Variants in RAC1 observed in about 807,000 individuals in gnomAD.
The protein encoded by RAC1 is ras-related C3 botulinum toxin substrate 1.
A neutral mutation model predicts 25.2 loss-of-function variants in RAC1; 2 were observed. The ratio of observed to expected loss-of-function variants is 0.08; its 90% confidence interval spans 0.03 to 0.25. RAC1 has a LOEUF of 0.25. Ranked by LOEUF, RAC1 falls within the 10% of genes least tolerant of loss-of-function variation. RAC1 has a pLI of 1.00. For synonymous variants in RAC1, 88 were observed against 94.0 expected, an observed-to-expected ratio of 0.94 and a Z score of 0.37; for missense variants, 50 against 235.7, an observed-to-expected ratio of 0.21 and a Z score of 5.16.
At chr7:6,380,599 G>C (rs989567140) in intron 1 of RAC1, among the ~76,000 whole-genome samples, 1 of 152,144 alleles carries the variant, frequency 6.6e-6, no homozygotes, top group Non-Finnish European at 1.5e-5. Flanking sequence ...TCCTTGAAAG[G>C]AGATGTTTTT....
At chr7:6,380,612 C>G (rs1782736960) in intron 1 of RAC1, among the ~76,000 whole-genome samples, 1 of 152,158 alleles carries the variant, frequency 6.6e-6, no homozygotes, top group Non-Finnish European at 1.5e-5. Flanking sequence ...ATGTTTTTGT[C>G]AAGAGTCTTT....
chr7:6,378,494 T>C (rs2115182729), intron 1 of RAC1, among the ~76,000 whole-genome samples: 1 of 151,866 alleles, frequency 6.6e-6, no homozygotes, highest in East Asian at 1.9e-4. Context: ...TGCAGTGAGC[T>C]GAGATTGTGT....
At chr7:6,386,399 G>A (rs1782924299) in intron 1 of RAC1, among the ~76,000 whole-genome samples, 1 of 152,134 alleles carries the variant, frequency 6.6e-6, no homozygotes. Context: ...GAGGCTGTAG[G>A]GATGTGGTGG....
intron 1 of RAC1, among the ~76,000 whole-genome samples, chr7:6,386,456 A>G (rs1010383841): frequency 2.6e-5 from 4 of 152,110 alleles, no homozygotes; most frequent in African/African-American, 9.7e-5. Context: ...TTACTTAAAG[A>G]GGAAGGCTGT....
intron 1 of RAC1, among the ~76,000 whole-genome samples, chr7:6,376,779 GT>G (rs35795933): frequency 0.45 from 52,105 of 115,048 alleles, 11,768 homozygotes; most frequent in Middle Eastern, 0.62. Context: ...GCCTCGGCCT[GT>G]TTTTTTTTTT....
chr7:6,400,230 T>A, intron 4 of RAC1, 42 bp downstream of exon 4: 1 of 1,504,780 alleles, frequency 6.6e-7, no homozygotes, highest in Non-Finnish European at 9.2e-7. Flanking sequence ...TATAGAATGA[T>A]CCTCTCAGAA....
At position 6,402,161 on chromosome 7, in the gene RAC1, A is replaced by G; in HGVS notation, c.448+134A>G. The G allele has an allele frequency of 2.8e-6, 4 of 1,444,174 alleles. No homozygotes were observed. In the South Asian group the frequency reaches 5.4e-5, roughly 19 times the overall value. The allele number at this position is 1,444,174 out of a possible 1,614,324, so 89.5% of individuals were successfully genotyped here. ...TGTACTCTTGGGGAACCAGCTGGCA[A>G]GGCCCTGTGGGTCTTAACGTCAGCG... On this transcript the variant is annotated intron_variant, in intron 5 of 5. Transcript: ENST00000348035.
chr7:6,394,369 T>C (rs1783167435), intron 3 of RAC1, among the ~76,000 whole-genome samples: 1 of 152,250 alleles, frequency 6.6e-6, no homozygotes, highest in Non-Finnish European at 1.5e-5. Context: ...TGAAAATCTT[T>C]GCTAAGTTCT....
intron 1 of RAC1, among the ~76,000 whole-genome samples, chr7:6,383,845 C>G (rs950203213): frequency 8.8e-6 from 1 of 113,620 alleles, no homozygotes; most frequent in Non-Finnish European, 1.6e-5. Context: ...TCTTGTTGCC[C>G]AGGCTGGAGT....
intron 1 of RAC1, among the ~76,000 whole-genome samples, chr7:6,384,049 C>T (rs1034425224): frequency 1.3e-5 from 2 of 151,972 alleles, no homozygotes; most frequent in Admixed American, 6.6e-5. Context: ...CCCGCCTTGG[C>T]CTCCCAAAGT....
intron 1 of RAC1, among the ~76,000 whole-genome samples, chr7:6,378,950 G>A (rs1309655276): frequency 1.3e-5 from 2 of 151,868 alleles, no homozygotes; most frequent in Non-Finnish European, 2.9e-5. Context: ...ATTAGCCAAG[G>A]ATGGTGGGGG....
intron 1 of RAC1, among the ~76,000 whole-genome samples, chr7:6,386,738 G>A (rs1583262206): frequency 6.7e-6 from 1 of 149,656 alleles, no homozygotes; most frequent in Non-Finnish European, 1.5e-5. Flanking sequence ...GAGCCAAGAT[G>A]GTGCCTCTGC....
intron 1 of RAC1, among the ~76,000 whole-genome samples, chr7:6,377,575 A>G (rs1454737897): frequency 1.3e-5 from 2 of 152,144 alleles, no homozygotes; most frequent in Non-Finnish European, 2.9e-5. Flanking sequence ...AGCCCGTGCG[A>G]CAGAGTGAGA....
intron 3 of RAC1, among the ~76,000 whole-genome samples, chr7:6,392,888 G>A (rs36094359): frequency 6.6e-5 from 10 of 152,206 alleles, no homozygotes; most frequent in African/African-American, 1.9e-4. Context: ...CTGTTTCCTT[G>A]TAGGGTGAGA....
At chr7:6,376,677 T>G (rs899655118) in intron 1 of RAC1, among the ~76,000 whole-genome samples, 3 of 148,868 alleles carry the variant, frequency 2.0e-5, no homozygotes, top group South Asian at 2.1e-4. Context: ...AATTTGTTTT[T>G]TTTTTTTTTT....
At chr7:6,400,336 T>G (rs1238071270) in intron 4 of RAC1, 148 bp downstream of exon 4, 6 of 744,550 alleles carry the variant, frequency 8.1e-6, no homozygotes, top group Non-Finnish European at 8.8e-6. Flanking sequence ...GGTTTTTTTT[T>G]TTCTTTTGAG....
chr7:6,376,470 C>T (rs1300558104), intron 1 of RAC1, among the ~76,000 whole-genome samples: 2 of 148,596 alleles, frequency 1.3e-5, no homozygotes, highest in Non-Finnish European at 3.0e-5. Context: ...AGGCGTAAGC[C>T]ACGGCGCCCG....
intron 3 of RAC1, among the ~76,000 whole-genome samples, chr7:6,393,144 C>T (rs2115203129): frequency 6.6e-6 from 1 of 152,236 alleles, no homozygotes; most frequent in South Asian, 2.1e-4. Flanking sequence ...GCTTTGAGCC[C>T]TGATTGATGA....
intron 1 of RAC1, among the ~76,000 whole-genome samples, chr7:6,380,378 ATGTG>A (rs3838699): frequency 3.0e-4 from 45 of 151,344 alleles, no homozygotes; most frequent in Admixed American, 2.0e-3. Flanking sequence ...ATTATACATA[ATGTG>A]TGTGTGTGTG....
Sources: allele counts gnomAD v4.1 joint callset (sites outside exome capture counted in the v4.1 genomes callset), GRCh38; gene constraint gnomAD v4.1.1; transcripts MANE v1.5; gene names NCBI Gene and HGNC (gene_info 2026-07-23, HGNC 2026-07-21).